The following CNTNAP5 variants were observed in gnomAD, a reference collection of about 807,000 sequenced individuals.
CNTNAP5 encodes the protein contactin-associated protein-like 5.
A neutral mutation model predicts 150.2 loss-of-function variants in CNTNAP5; 72 were observed. That is an observed-to-expected ratio of 0.48 (90% confidence interval 0.40 to 0.58). The LOEUF (loss-of-function observed/expected upper bound fraction) is 0.58, where lower values mean the gene tolerates loss of function less well. Among genes scored for constraint, CNTNAP5 ranks in the 20% least tolerant of loss-of-function variants. The pLI, the probability that CNTNAP5 is intolerant of heterozygous loss-of-function variation, is 0.00. For synonymous variants in CNTNAP5, 672 were observed against 619.8 expected (o/e 1.08, Z -1.25); for missense variants, 1,636 against 1,626.2 (o/e 1.01, Z -0.10).
At chr2:124,481,064 A>C (rs78482731) in intron 7 of CNTNAP5, among the ~76,000 whole-genome samples, 5,646 of 152,292 alleles carry the variant, frequency 0.037, 127 homozygotes, top group Non-Finnish European at 0.042. Flanking sequence ...TATTTCTCAC[A>C]GCTCTGGAGG....
chr2:124,532,184 T>C (rs1209328955), intron 10 of CNTNAP5, among the ~76,000 whole-genome samples: 1 of 152,218 alleles, frequency 6.6e-6, no homozygotes, highest in Admixed American at 6.5e-5. Flanking sequence ...TTTAATGTTT[T>C]ATTGGCCTGA....
intron 3 of CNTNAP5, among the ~76,000 whole-genome samples, chr2:124,280,392 A>G (rs1045036957): frequency 1.3e-5 from 2 of 151,752 alleles, no homozygotes; most frequent in African/African-American, 4.8e-5. Flanking sequence ...CTGGTCTCGA[A>G]CTCCTGACCT....
At chr2:124,598,901 G>A (rs1307351987) in intron 11 of CNTNAP5, among the ~76,000 whole-genome samples, 1 of 151,996 alleles carries the variant, frequency 6.6e-6, no homozygotes, top group African/African-American at 2.4e-5. Context: ...GGAGTGACCC[G>A]ATTTTCCAGG....
At chr2:124,899,072 G>T (rs563875029) in intron 21 of CNTNAP5, among the ~76,000 whole-genome samples, 1 of 151,264 alleles carries the variant, frequency 6.6e-6, no homozygotes, top group African/African-American at 2.5e-5. Flanking sequence ...AAGGTGATCC[G>T]CCATGTCACG....
chr2:124,341,607 A>G (rs1436112776), intron 3 of CNTNAP5, among the ~76,000 whole-genome samples: 3 of 152,184 alleles, frequency 2.0e-5, no homozygotes, highest in Non-Finnish European at 4.4e-5. Context: ...CATCACAGTT[A>G]AGGTGAACGA....
chr2:124,814,185 A>C (rs773235150), intron 19 of CNTNAP5, among the ~76,000 whole-genome samples: 1 of 149,830 alleles, frequency 6.7e-6, no homozygotes. Context: ...GATTGGATGC[A>C]TCATGTTCTG....
At position 124,111,241 on chromosome 2, in the gene CNTNAP5, T is replaced by C. The variant is rs891862586; in HGVS notation, c.82+85509T>C. On this transcript the variant is annotated intron_variant, in intron 1 of 23. Transcript: ENST00000682447. ...GAACACAAAAAGAGAGGAGGAACTC[T>C]TGAGAGTTTAGAGTGCATTTGGATT... Among the ~76,000 whole-genome samples, 6 of 152,190 alleles carry C rather than the reference T, an allele frequency of 3.9e-5. 2 individuals are homozygous for C. The South Asian group carries it at 8.3e-4, about 21-fold the overall frequency.
chr2:124,747,783 CTCTTCT>C (rs1370805763), intron 14 of CNTNAP5, among the ~76,000 whole-genome samples: 5 of 127,828 alleles, frequency 3.9e-5, no homozygotes, highest in African/African-American at 1.2e-4. Context: ...CCACTCCTAA[CTCTTCT>C]TTTTTTTTTT....
At chr2:124,789,719 T>G (rs1418492341) in intron 17 of CNTNAP5, among the ~76,000 whole-genome samples, 183 bp from the exon 18 acceptor site, 1 of 152,210 alleles carries the variant, frequency 6.6e-6, no homozygotes, top group East Asian at 1.9e-4. Flanking sequence ...CCATTGTTTC[T>G]AGGACATGCA....
intron 3 of CNTNAP5, among the ~76,000 whole-genome samples, chr2:124,334,163 G>A (rs1573922781): frequency 6.6e-6 from 1 of 151,994 alleles, no homozygotes; most frequent in Non-Finnish European, 1.5e-5. Context: ...TTCCTTAAGG[G>A]GTGTCTGGAT....
intron 1 of CNTNAP5, among the ~76,000 whole-genome samples, chr2:124,087,071 A>G (rs1178208991): frequency 1.3e-5 from 2 of 151,870 alleles, no homozygotes; most frequent in Non-Finnish European, 2.9e-5. Context: ...AATAAAATAC[A>G]GAAACCTTAC....
In CNTNAP5 at chr2:124,179,798, G is replaced by A. The variant is rs142776926; in HGVS notation, c.83-41907G>A. ...GCTTTAACAAAATTAACAGGATTTC[G>A]ATGCATTCCTGGTAAGTTTGACTTA... On this transcript the variant is annotated intron_variant, in intron 1 of 23. Coordinates refer to ENST00000682447, the MANE Select transcript of CNTNAP5 (RefSeq NM_001367498.1). 5.0e-3 allele frequency among the ~76,000 whole-genome samples: 754 copies of A among 152,242 alleles called. 3 individuals carry two copies. The highest frequency in any genetic ancestry group is 6.7e-3 in the Non-Finnish European group (454 of 68,008).
At chr2:124,123,515 C>G (rs1221887098) in intron 1 of CNTNAP5, among the ~76,000 whole-genome samples, 1 of 152,142 alleles carries the variant, frequency 6.6e-6, no homozygotes, top group African/African-American at 2.4e-5. Flanking sequence ...GAAACTTCAG[C>G]AGACTTAAAC....
chr2:124,094,925 TC>T, intron 1 of CNTNAP5, among the ~76,000 whole-genome samples: 1 of 152,266 alleles, frequency 6.6e-6, no homozygotes, highest in Non-Finnish European at 1.5e-5. Flanking sequence ...ACAGAAAGAA[TC>T]CACCATGGTG....
chr2:124,265,358 C>T (rs371779371), intron 3 of CNTNAP5, among the ~76,000 whole-genome samples: 2 of 152,114 alleles, frequency 1.3e-5, no homozygotes, highest in Admixed American at 1.3e-4. Flanking sequence ...CACCTCTGCA[C>T]ACTCTAATTA....
intron 14 of CNTNAP5, among the ~76,000 whole-genome samples, chr2:124,750,927 T>C (rs934801659): frequency 1.5e-5 from 2 of 136,568 alleles, no homozygotes; most frequent in African/African-American, 5.6e-5. Context: ...GAGGTTGCAG[T>C]GAGCCGAGAT....
At chr2:124,609,254 T>C (rs1273843678) in intron 11 of CNTNAP5, among the ~76,000 whole-genome samples, 1 of 152,134 alleles carries the variant, frequency 6.6e-6, no homozygotes, top group African/African-American at 2.4e-5. Flanking sequence ...TGAGAGGCAT[T>C]ACCTCTGCAC....
At chr2:124,567,050 C>A (rs560975913) in intron 11 of CNTNAP5, among the ~76,000 whole-genome samples, 1 of 152,296 alleles carries the variant, frequency 6.6e-6, no homozygotes, top group African/African-American at 2.4e-5. Context: ...ATAATAATTT[C>A]TTGAGTATTC....
intron 10 of CNTNAP5, among the ~76,000 whole-genome samples, chr2:124,548,312 C>A (rs1380896895): frequency 6.6e-6 from 1 of 152,094 alleles, no homozygotes; most frequent in Non-Finnish European, 1.5e-5. Context: ...CTGTGGCCAC[C>A]AGCAGTTTTA....
Sources: allele counts gnomAD v4.1 joint callset (sites outside exome capture counted in the v4.1 genomes callset), GRCh38; gene constraint gnomAD v4.1.1; transcripts MANE v1.5; gene names NCBI Gene and HGNC (gene_info 2026-07-23, HGNC 2026-07-21).